PRKN: variants seen among roughly 807,000 people sequenced by gnomAD.
PRKN encodes E3 ubiquitin-protein ligase parkin.
In PRKN, 56 loss-of-function variants were observed where a neutral mutation model predicts 59.5. The observed-to-expected ratio is 0.94, with a 90% CI of 0.76 to 1.18. The LOEUF is 1.18. PRKN is among the 50% of genes most tolerant of loss of function. The pLI is 0.00. For missense variants in PRKN, 657 were observed against 596.4 expected (o/e 1.10, Z -1.06); for synonymous variants, 250 against 222.1 (o/e 1.13, Z -1.12).
intron 1 of PRKN, among the ~76,000 whole-genome samples, chr6:162,704,637 T>A (rs1222542005): frequency 6.6e-6 from 1 of 152,206 alleles, no homozygotes; most frequent in Non-Finnish European, 1.5e-5. Context: ...TTAGTTAATG[T>A]TACAATTTAT....
At chr6:161,512,168 C>T (rs1487107885) in intron 9 of PRKN, among the ~76,000 whole-genome samples, 2 of 152,170 alleles carry the variant, frequency 1.3e-5, no homozygotes. Context: ...ATTACTAAAA[C>T]AGTAACAGAG....
At chr6:162,468,858 T>C (rs1791569126) in intron 1 of PRKN, among the ~76,000 whole-genome samples, 1 of 152,200 alleles carries the variant, frequency 6.6e-6, no homozygotes, top group Non-Finnish European at 1.5e-5. Flanking sequence ...ATATACAGAA[T>C]GTACTTCTAT....
At chr6:162,687,850 G>A (rs1447030153) in intron 1 of PRKN, among the ~76,000 whole-genome samples, 1 of 152,050 alleles carries the variant, frequency 6.6e-6, no homozygotes, top group Non-Finnish European at 1.5e-5. Context: ...AGGCAAGACT[G>A]GCAATTTACA....
chr6:161,704,091 A>G (rs998256129), intron 7 of PRKN, among the ~76,000 whole-genome samples: 16 of 151,990 alleles, frequency 1.1e-4, no homozygotes, highest in Admixed American at 3.3e-4. Context: ...CCTGGCCTCA[A>G]GTGATCCACC....
intron 1 of PRKN, among the ~76,000 whole-genome samples, chr6:162,687,293 C>A (rs190201665): frequency 0.015 from 2,244 of 150,840 alleles, 59 homozygotes; most frequent in African/African-American, 0.052. Context: ...TCACGCCATT[C>A]TCCTGCCTCA....
At chr6:162,010,020 C>T (rs1227212258) in intron 5 of PRKN, among the ~76,000 whole-genome samples, 1 of 151,128 alleles carries the variant, frequency 6.6e-6, no homozygotes, top group African/African-American at 2.4e-5. Context: ...CTAACTTCAC[C>T]TACGCTTGGA....
chr6:162,249,229 G>A (rs553773836), intron 3 of PRKN, among the ~76,000 whole-genome samples: 1 of 152,236 alleles, frequency 6.6e-6, no homozygotes, highest in East Asian at 1.9e-4. Context: ...AGCATCCTTC[G>A]AAAGGCAGAA....
At chr6:162,022,918 T>C (rs576278464) in intron 5 of PRKN, among the ~76,000 whole-genome samples, 1 of 152,332 alleles carries the variant, frequency 6.6e-6, no homozygotes, top group East Asian at 1.9e-4. Flanking sequence ...TAGGGTGTAT[T>C]TTCCCCATTG....
At position 162,695,863 on chromosome 6, in the gene PRKN, T is replaced by A. The variant is rs186455830; in HGVS notation, c.7+31799A>T. On this transcript the variant is annotated intron_variant, in intron 1 of 11. Coordinates refer to ENST00000366898, the MANE Select transcript of PRKN (RefSeq NM_004562.3). The stretch of plus-strand genomic sequence containing the variant: ...AGTAAAATATGGTAGAACTCTTAAG[T>A]ACATAGAGTTTGGAGTCCGAGAAGC... Among the ~76,000 whole-genome samples, 7 of 152,304 alleles carry A rather than the reference T, an allele frequency of 4.6e-5. No homozygotes were observed. In the East Asian group the frequency reaches 9.6e-4, roughly 21 times the overall value.
chr6:161,874,174 ATATATT>A (rs1389192455), intron 6 of PRKN, among the ~76,000 whole-genome samples: 4,758 of 61,868 alleles, frequency 0.077, 769 homozygotes, highest in African/African-American at 0.094. Flanking sequence ...AATATATAAT[ATATATT>A]ATATATAATA....
At chr6:162,484,777 G>A (rs1056475118) in intron 1 of PRKN, among the ~76,000 whole-genome samples, 6 of 152,124 alleles carry the variant, frequency 3.9e-5, no homozygotes, top group Admixed American at 3.9e-4. Context: ...CATCATGTTT[G>A]CTCATTTGCC....
intron 4 of PRKN, among the ~76,000 whole-genome samples, chr6:162,116,802 G>C (rs993055470): frequency 1.3e-5 from 2 of 152,188 alleles, no homozygotes; most frequent in South Asian, 2.1e-4. Flanking sequence ...GAGAACATAG[G>C]GGAGTTTTGA....
At chr6:161,690,675 A>C (rs533877718) in intron 7 of PRKN, among the ~76,000 whole-genome samples, 28 of 152,266 alleles carry the variant, frequency 1.8e-4, no homozygotes, top group Non-Finnish European at 3.7e-4. Context: ...AACAGAACAA[A>C]AAGGCAGAGG....
intron 7 of PRKN, among the ~76,000 whole-genome samples, chr6:161,603,718 A>G (rs1364625923): frequency 6.6e-6 from 1 of 152,194 alleles, no homozygotes; most frequent in East Asian, 1.9e-4. Context: ...TAGCAGATAT[A>G]TGGAACTTCT....
At chr6:162,170,278 A>T (rs1783211247) in intron 4 of PRKN, among the ~76,000 whole-genome samples, 1 of 152,190 alleles carries the variant, frequency 6.6e-6, no homozygotes, top group Non-Finnish European at 1.5e-5. Context: ...TCACACATCA[A>T]CGTTTTAAGA....
chr6:162,263,679 C>T (rs544675947), intron 2 of PRKN, among the ~76,000 whole-genome samples: 2 of 152,140 alleles, frequency 1.3e-5, no homozygotes, highest in African/African-American at 2.4e-5. Context: ...TAGGGCCGGC[C>T]GCGGTGGCTC....
intron 1 of PRKN, among the ~76,000 whole-genome samples, chr6:162,693,676 T>C (rs1223822722): frequency 6.6e-6 from 1 of 152,196 alleles, no homozygotes; most frequent in Non-Finnish European, 1.5e-5. Flanking sequence ...GGCACAAAGA[T>C]CCTTCAAAAT....
intron 2 of PRKN, among the ~76,000 whole-genome samples, chr6:162,296,560 T>A (rs972418778): frequency 6.6e-6 from 1 of 152,092 alleles, no homozygotes; most frequent in African/African-American, 2.4e-5. Flanking sequence ...TATTTCTTAC[T>A]CCACAACTAT....
chr6:162,219,511 A>G (rs565511007), intron 3 of PRKN, among the ~76,000 whole-genome samples: 5 of 152,158 alleles, frequency 3.3e-5, no homozygotes, highest in Non-Finnish European at 5.9e-5. Context: ...ATTTTTATTC[A>G]GAATGAACAG....
Sources: gnomAD v4.1 joint callset for allele counts (sites outside exome capture counted in the v4.1 genomes callset) on GRCh38, gnomAD v4.1.1 for gene constraint, MANE v1.5 for transcripts, NCBI Gene and HGNC (gene_info 2026-07-23, HGNC 2026-07-21) for gene names.